The following SIRT2 variants were observed in gnomAD, a reference collection of about 807,000 sequenced individuals.
The protein encoded by SIRT2 is sirtuin 2.
Under a neutral mutation model 57.4 loss-of-function variants are expected in SIRT2, and 40 were observed. That is an observed-to-expected ratio of 0.70 (90% CI 0.54 to 0.91). The LOEUF (loss-of-function observed/expected upper bound fraction) is 0.91. Ranked by LOEUF, SIRT2 falls within the 40% of genes least tolerant of loss-of-function variation. The probability of loss-of-function intolerance (pLI) is 0.00; values close to 1 mark genes in which losing one functional copy is unlikely to be tolerated. For synonymous variants in SIRT2, 161 were observed against 195.7 expected (o/e 0.82, Z 1.48); for missense variants, 439 against 510.4 (o/e 0.86, Z 1.35).
intron 9 of SIRT2, 55 bp from the exon 10 acceptor site, chr19:38,881,546 T>A: frequency 6.7e-7 from 1 of 1,485,134 alleles, no homozygotes; most frequent in Non-Finnish European, 9.4e-7. Flanking sequence ...TGGGCCGGAG[T>A]CTGGAGGTGC....
At chr19:38,894,173 T>G in intron 2 of SIRT2, 1 of 383,260 alleles carries the variant, frequency 2.6e-6, no homozygotes, top group East Asian at 5.4e-5. Context: ...CACAGCTTGC[T>G]GCAGCCTCAA....
intron 4 of SIRT2, among the ~76,000 whole-genome samples, chr19:38,892,985 C>T (rs945175449): frequency 6.6e-6 from 1 of 152,190 alleles, no homozygotes; most frequent in African/African-American, 2.4e-5. Context: ...GTAATTCACT[C>T]AGCAATGGAG....
At position 38,880,658 on chromosome 19, in the gene SIRT2, G is replaced by A. The variant is rs1973117769; in HGVS notation, c.876+27C>T. 2.0e-5 allele frequency: 30 copies of A among 1,524,238 alleles called. No homozygotes were observed. The highest frequency in any genetic ancestry group is 2.4e-5 in the Non-Finnish European group (27 of 1,132,586). The allele number at this position is 1,524,238 out of a possible 1,614,324, so 94.4% of individuals were successfully genotyped here. A position where few individuals can be genotyped will look rare whatever the true frequency, so the allele number is the denominator to read the frequency against. On this transcript the variant is annotated intron_variant, in intron 13 of 15. Transcript: ENST00000249396. This position sits in a 1 kb window ranked among gnomAD's most constrained non-coding sequence, Gnocchi z 4.1. ...TGAGAGGGAAGGGGGAGCCTGTGAC[G>A]ACGGGGGCTTGAAGAAGGGCTCTTA... is the stretch of plus-strand genomic sequence containing the variant.
Position 38,890,085 on chromosome 19 carries a change from G to A in SIRT2, c.268+18C>T, listed in dbSNP as rs1336484818. On this transcript the variant is annotated intron_variant, in intron 5 of 15. Transcript: ENST00000249396. Reference sequence around the variant, plus strand: ...CCCAGTTCCTGGGGGTAGCTGCTGGGGGAGAAGGGTTACTTACATGTGGAG... The same window carrying A: ...CCCAGTTCCTGGGGGTAGCTGCTGGAGGAGAAGGGTTACTTACATGTGGAG... 6.2e-7 allele frequency: 1 copy of A among 1,614,080 alleles called. No homozygotes were observed. The highest frequency in any genetic ancestry group is 8.5e-7 in the Non-Finnish European group (1 of 1,180,026).
At chr19:38,889,391 A>G (rs11083483) in intron 7 of SIRT2, 347,297 of 703,576 alleles carry the variant, frequency 0.49, 89,856 homozygotes, top group East Asian at 0.86. Context: ...GCTGAGATTC[A>G]CACCCAGGCA....
At chr19:38,884,548 A>G (rs1453736642) in intron 8 of SIRT2, among the ~76,000 whole-genome samples, 1 of 152,096 alleles carries the variant, frequency 6.6e-6, no homozygotes, top group African/African-American at 2.4e-5. Flanking sequence ...TCCCAGGTTC[A>G]AGAGATTTTC....
chr19:38,889,166 G>A lies in SIRT2; in HGVS notation c.433-11C>T, dbSNP rs1002537763. On this transcript the variant is annotated splice_polypyrimidine_tract_variant and intron_variant, in intron 7 of 15. Coordinates refer to ENST00000249396, the MANE Select transcript of SIRT2 (RefSeq NM_012237.4). Reference sequence around the variant, plus strand: ...GTGACAGATGGTTGGCTGCAGGGAAGAGCGACAGCACTGCTGACGACTGCA... The same window carrying A: ...GTGACAGATGGTTGGCTGCAGGGAAAAGCGACAGCACTGCTGACGACTGCA... The A allele has an allele frequency of 6.2e-7, 1 of 1,612,568 alleles. No individual in the cohort carries two copies. Among genetic ancestry groups the A allele is most frequent in the Non-Finnish European group, 8.5e-7 (1 of 1,179,730 alleles).
At chr19:38,898,262 T>C (rs1600134521) in intron 2 of SIRT2, 117 bp downstream of exon 2, 1 of 611,124 alleles carries the variant, frequency 1.6e-6, no homozygotes, top group Non-Finnish European at 2.5e-6. Context: ...GTGTGAGGGA[T>C]TGGGGCAATG....
In SIRT2 at chr19:38,882,406, G is replaced by A. The variant is rs920847162; in HGVS notation, c.632-915C>T. The stretch of plus-strand genomic sequence containing the variant: ...TCCCAGCACTTTGGGAGGCTGAGGC[G>A]AGTGGATCGTTTGAGGTCAGGAGTT... On this transcript the variant is annotated intron_variant, in intron 9 of 15. Transcript: ENST00000249396. Among the ~76,000 whole-genome samples the A allele has an allele frequency of 5.3e-5, 8 of 152,074 alleles. 1 individual carries two copies. The highest frequency in any genetic ancestry group is 1.7e-4 in the African/African-American group (7 of 41,416).
intron 2 of SIRT2, 183 bp from the exon 3 acceptor site, chr19:38,894,050 C>G (rs1181884001): frequency 7.8e-7 from 1 of 1,284,300 alleles, no homozygotes; most frequent in East Asian, 2.6e-5. Context: ...GGGTTGGAGT[C>G]CTGGCCATGC....
chr19:38,879,218 G>C lies in SIRT2; in HGVS notation c.1107C>G (p.Pro369=), dbSNP rs977097307. 3.1e-6 allele frequency: 5 copies of C among 1,593,820 alleles called. No individual in the cohort carries two copies. Among genetic ancestry groups the C allele is most frequent in the Non-Finnish European group, 4.3e-6 (5 of 1,174,652 alleles). Residue 369 remains proline, a synonymous_variant, in exon 16 of 16, where the codon CCC becomes CCG. Transcript: ENST00000249396. ...GVPNPSTSAS[P]KKSPPPAKDE... ...CCTTGGCAGGTGGCGGGGACTTCTT[G>C]GGGGAAGCTGAAGTGCTGGGGTTGG...
Position 38,893,914 on chromosome 19 carries a change from G to A in SIRT2, c.64-47C>T, listed in dbSNP as rs1255963426. 4 of 1,612,182 alleles carry A rather than the reference G, an allele frequency of 2.5e-6. No individual in the cohort carries two copies. The South Asian group carries it at 3.3e-5, about 13-fold the overall frequency. The stretch of plus-strand genomic sequence containing the variant: ...GGCCAGGCCCGAGAGGTGGGATTAG[G>A]GAGGGAGGAGAGGGGGTGATACCAG... On this transcript the variant is annotated intron_variant, in intron 2 of 15. Transcript: ENST00000249396.
intron 4 of SIRT2, chr19:38,891,764 T>A (rs542115798): frequency 9.0e-4 from 377 of 417,170 alleles, no homozygotes; most frequent in Non-Finnish European, 1.7e-3. Context: ...CATTACTATC[T>A]CCTCCTGGGC....
chr19:38,889,575 C>CTGG, intron 7 of SIRT2, 114 bp downstream of exon 7: 1 of 1,197,040 alleles, frequency 8.4e-7, no homozygotes, highest in Non-Finnish European at 1.2e-6. Flanking sequence ...CTGGGCCCAG[C>CTGG]ACCCATGTAC....
At chr19:38,881,220 G>A (rs1382573782) in intron 10 of SIRT2, 65 bp from the exon 11 acceptor site, 5 of 1,513,616 alleles carry the variant, frequency 3.3e-6, no homozygotes, top group African/African-American at 1.4e-5. Context: ...ACAGGTGGGA[G>A]CAATGGCAGA....
rs201687831 is a variant in SIRT2, at chr19:38,879,288, C to T, written c.1037G>A (p.Arg346Gln). Residue 346 changes from arginine to glutamine, a missense_variant, in exon 16 of 16, where the codon CGG (arginine) becomes CAG (glutamine). Transcript: ENST00000249396. ...GWKKELEDLV[R>Q]REHASIDAQS... ...GGCATCTATGCTGGCGTGCTCCCTC[C>T]GGACAAGGTCCTCCAGCTCCTTCTG... 39 of 1,613,206 alleles carry T rather than the reference C, an allele frequency of 2.4e-5. No individual in the cohort carries two copies. Among genetic ancestry groups the T allele is most frequent in the Middle Eastern group, 3.3e-4 (2 of 6,054 alleles).
chr19:38,893,530 G>C lies in SIRT2; in HGVS notation c.113-3C>G. 1 of 1,600,650 alleles carries C rather than the reference G, an allele frequency of 6.2e-7. No homozygotes were observed. Among genetic ancestry groups the C allele is most frequent in the East Asian group, 2.2e-5 (1 of 44,784 alleles). On this transcript the variant is annotated splice_region_variant and splice_polypyrimidine_tract_variant and intron_variant, in intron 3 of 15. Transcript: ENST00000249396. Reference sequence around the variant, plus strand: ...GAATAAGTTCCGCAGGAAGTCCACTGACCGGAAAGAAGAGAGACAGCGGCA... The same window carrying C: ...GAATAAGTTCCGCAGGAAGTCCACTCACCGGAAAGAAGAGAGACAGCGGCA...
rs202073777 is a variant in SIRT2, at chr19:38,889,663, C to T, written c.432+26G>A. 8.1e-5 allele frequency: 131 copies of T among 1,612,796 alleles called. 1 individual carries two copies. The South Asian group carries it at 1.4e-3, about 17-fold the overall frequency. On this transcript the variant is annotated intron_variant, in intron 7 of 15. Transcript: ENST00000249396. Reference sequence around the variant, plus strand: ...TGCCCTCCCCCAACCCTTCCTGTTTCGCCCCCTGCAAAACAAAGATCTCAC... The same window carrying T: ...TGCCCTCCCCCAACCCTTCCTGTTTTGCCCCCTGCAAAACAAAGATCTCAC...
At chr19:38,888,110 T>C (rs1307133371) in intron 8 of SIRT2, among the ~76,000 whole-genome samples, 2 of 152,204 alleles carry the variant, frequency 1.3e-5, no homozygotes, top group African/African-American at 2.4e-5. Flanking sequence ...TTAATACTGT[T>C]GTAGTGCATC....
Sources: gnomAD v4.1 joint callset for allele counts (sites outside exome capture counted in the v4.1 genomes callset) on GRCh38, gnomAD v4.1.1 for gene constraint, Gnocchi (gnomAD v3.1) non-coding constraint, MANE v1.5 for transcripts, NCBI Gene and HGNC (gene_info 2026-07-23, HGNC 2026-07-21) for gene names.